Variants in TSHZ3 observed in about 807,000 individuals in gnomAD.
TSHZ3 encodes teashirt homolog 3.
TSHZ3 carries 10 observed loss-of-function variants against 64.5 expected under a neutral mutation model. The observed-to-expected ratio is 0.16, with a 90% confidence interval of 0.10 to 0.26. TSHZ3 has a LOEUF of 0.26. Ranked by LOEUF, TSHZ3 falls within the 10% of genes least tolerant of loss-of-function variation. TSHZ3 has a pLI of 1.00. For synonymous variants in TSHZ3, 608 were observed against 593.1 expected (o/e 1.03, Z -0.36); for missense variants, 1,242 against 1,421.7 (o/e 0.87, Z 2.03).
chr19:31,276,552 G>T lies in TSHZ3; in HGVS notation c.3241C>A (p.Gln1081Lys). ...CTTTCTATCAAAAGCAAATGCTACT[G>T]CTTCTCTAACTCAGAGACATACAGA... ...HLLYVSELEK[Q>K] The change falls in exon 2 of 2, where the codon CAG (glutamine) becomes AAG (lysine). Residue 1081 changes from glutamine to lysine, a missense_variant. By Grantham distance (53) the Gln-to-Lys change is moderately conservative. This residue lies in a region of TSHZ3 where 126 missense variants were observed against 140.6 expected (regional missense o/e 0.90). Coordinates refer to ENST00000240587, the MANE Select transcript of TSHZ3 (RefSeq NM_020856.4). The T allele has an allele frequency of 6.5e-7, 1 of 1,543,440 alleles. No homozygotes were observed.
intron 1 of TSHZ3, among the ~76,000 whole-genome samples, chr19:31,283,560 CAG>C (rs1445896325): frequency 6.6e-6 from 1 of 152,214 alleles, no homozygotes; most frequent in Non-Finnish European, 1.5e-5. Flanking sequence ...CTGTGCAGTG[CAG>C]AGTTTTGTTT....
intron 5 of TSHZ3, among the ~76,000 whole-genome samples, chr19:31,188,946 A>G (rs1974858589): frequency 6.6e-6 from 1 of 152,038 alleles, no homozygotes; most frequent in South Asian, 2.1e-4. Flanking sequence ...AACAAATTTA[A>G]TTTATTTAAC....
intron 1 of TSHZ3, among the ~76,000 whole-genome samples, chr19:31,283,776 T>C (rs1346651813): frequency 3.9e-5 from 6 of 152,248 alleles, no homozygotes; most frequent in Admixed American, 3.3e-4. Context: ...CTGTGCTTTC[T>C]TCTCTAGACT....
At chr19:31,264,850 G>T (rs931650805) in intron 1 of TSHZ3, among the ~76,000 whole-genome samples, 1 of 152,064 alleles carries the variant, frequency 6.6e-6, no homozygotes. Flanking sequence ...GCCAGTCAAC[G>T]AAGGTTCCTC....
At chr19:31,235,978 A>C (rs546509021) in intron 3 of TSHZ3, among the ~76,000 whole-genome samples, 1 of 152,018 alleles carries the variant, frequency 6.6e-6, no homozygotes, top group Non-Finnish European at 1.5e-5. Flanking sequence ...CTGGAATTAC[A>C]GGTGAGAGCT....
intron 1 of TSHZ3, among the ~76,000 whole-genome samples, chr19:31,311,788 A>G (rs1222595153): frequency 2.0e-5 from 3 of 151,274 alleles, no homozygotes; most frequent in Admixed American, 6.6e-5. Flanking sequence ...CAGTGGCACT[A>G]TCTCAGCTCA....
intron 4 of TSHZ3, among the ~76,000 whole-genome samples, chr19:31,222,292 A>T (rs1053151436): frequency 6.6e-6 from 1 of 152,210 alleles, no homozygotes; most frequent in Non-Finnish European, 1.5e-5. Flanking sequence ...GCAAAATGAA[A>T]CACATCCAGT....
intron 5 of TSHZ3, among the ~76,000 whole-genome samples, chr19:31,202,368 A>G (rs1239047812): frequency 6.6e-6 from 1 of 152,206 alleles, no homozygotes; most frequent in African/African-American, 2.4e-5. Context: ...ATTTACATAC[A>G]TAATACATAT....
chr19:31,206,807 C>T (rs1289360851), intron 4 of TSHZ3, among the ~76,000 whole-genome samples: 2 of 152,124 alleles, frequency 1.3e-5, no homozygotes, highest in Non-Finnish European at 2.9e-5. Flanking sequence ...AATCTCATCT[C>T]TATATGTAGA....
At chr19:31,298,741 A>T (rs1280846972) in intron 1 of TSHZ3, among the ~76,000 whole-genome samples, 1 of 152,148 alleles carries the variant, frequency 6.6e-6, no homozygotes, top group Admixed American at 6.5e-5. Flanking sequence ...TTAGAGAGAC[A>T]GAGAATAGGG....
chr19:31,340,646 G>T (rs930846511), intron 1 of TSHZ3, among the ~76,000 whole-genome samples: 4 of 152,134 alleles, frequency 2.6e-5, no homozygotes, highest in Non-Finnish European at 5.9e-5. Context: ...TGATTACTGG[G>T]GCCTATGGAG....
chr19:31,232,263 T>C (rs1241238027), intron 3 of TSHZ3, among the ~76,000 whole-genome samples: 1 of 152,132 alleles, frequency 6.6e-6, no homozygotes. Context: ...GAGGACATGT[T>C]TGATGAGTAA....
At chr19:31,213,356 CAAAAAAAAAAAAAAA>C (rs35192337) in intron 4 of TSHZ3, among the ~76,000 whole-genome samples, 418 of 23,332 alleles carry the variant, frequency 0.018, 13 homozygotes, top group East Asian at 0.13. Context: ...GACTCTGTCT[CAAAAAAAAAAAAAAA>C]AAAAAAAAAA....
At position 31,340,358 on chromosome 19, in the gene TSHZ3, A is replaced by AC. The variant is rs1420455222; in HGVS notation, c.40+8821_40+8822insG. On this transcript the variant is annotated intron_variant, in intron 1 of 1. Coordinates refer to ENST00000240587, the MANE Select transcript of TSHZ3 (RefSeq NM_020856.4). ...CAGTACAAAAAAAAAAAAAAAAAAA[A>AC]AAAAAACCACAGACTTCCTCTCACA... is the stretch of plus-strand genomic sequence containing the variant. Among the ~76,000 whole-genome samples the AC allele has an allele frequency of 6.0e-5, 9 of 149,752 alleles. 1 individual carries two copies. The highest frequency in any genetic ancestry group is 1.3e-4 in the Non-Finnish European group (9 of 67,460).
chr19:31,231,316 A>G lies in TSHZ3; in HGVS notation n.551-3176T>C, dbSNP rs577762204. Among the ~76,000 whole-genome samples the G allele has an allele frequency of 2.6e-5, 4 of 152,244 alleles. No individual in the cohort carries two copies. The South Asian group carries it at 8.3e-4, about 32-fold the overall frequency. ...CTCTCAGGAGGCCGAGCGGAATTAC[A>G]AACATACCTGAGTCTGATGCCAAAG... On this transcript the variant is annotated intron_variant and non_coding_transcript_variant, in intron 3 of 6. Transcript: ENST00000651361.
chr19:31,222,121 G>A (rs1975401425), intron 4 of TSHZ3, among the ~76,000 whole-genome samples: 1 of 152,166 alleles, frequency 6.6e-6, no homozygotes, highest in Admixed American at 6.5e-5. Context: ...GCCTCATAGA[G>A]ATTTCCCATG....
chr19:31,200,270 G>A (rs1299710003), intron 5 of TSHZ3, among the ~76,000 whole-genome samples: 1 of 151,876 alleles, frequency 6.6e-6, no homozygotes, highest in East Asian at 1.9e-4. Context: ...ACCTGCACAT[G>A]GATATGTATA....
chr19:31,230,090 T>C (rs1975518831), intron 3 of TSHZ3, among the ~76,000 whole-genome samples: 1 of 152,144 alleles, frequency 6.6e-6, no homozygotes, highest in African/African-American at 2.4e-5. Flanking sequence ...GAAATTTATT[T>C]AAAAATGTTC....
intron 1 of TSHZ3, among the ~76,000 whole-genome samples, chr19:31,284,866 C>CGAAT (rs1023265824): frequency 6.6e-6 from 1 of 152,052 alleles, no homozygotes; most frequent in African/African-American, 2.4e-5. Context: ...GTCAATGGGA[C>CGAAT]GAATGAATGA....
Sources: gnomAD v4.1 joint callset for allele counts (sites outside exome capture counted in the v4.1 genomes callset) on GRCh38, gnomAD v4.1.1 for gene constraint, gnomAD v4.1.1 regional missense constraint, MANE v1.5 for transcripts, NCBI Gene and HGNC (gene_info 2026-07-23, HGNC 2026-07-21) for gene names.